Variants in ITGA2B observed in about 807,000 individuals in gnomAD.
ITGA2B encodes the protein integrin subunit alpha 2b, also known as integrin alpha-IIb.
A neutral mutation model predicts 142.0 loss-of-function variants in ITGA2B; 91 were observed. The observed-to-expected ratio is 0.64, with a 90% confidence interval of 0.54 to 0.76. ITGA2B has a LOEUF of 0.76. ITGA2B is among the 30% of genes least tolerant of loss of function. The probability of loss-of-function intolerance (pLI) is 0.00; values close to 1 mark genes in which losing one functional copy is unlikely to be tolerated. For synonymous variants in ITGA2B, 536 were observed against 567.2 expected (o/e 0.94, Z 0.78); for missense variants, 1,231 against 1,350.8 (o/e 0.91, Z 1.39).
chr17:44,383,511 C>T lies in ITGA2B; in HGVS notation c.1192G>A (p.Asp398Asn), dbSNP rs746322312. The change falls in exon 12 of 30, where the codon GAC becomes AAC. Residue 398 changes from aspartate to asparagine, a missense_variant. By Grantham distance (23) the Asp-to-Asn change is conservative. Coordinates refer to ENST00000262407, the MANE Select transcript of ITGA2B (RefSeq NM_000419.5). ...GSAIAPLGDL[D>N]RDGYNDIAVA... ...CCCTCACCATTGTAGCCATCCCGGT[C>T]GAGGTCGCCCAGGGGTGCGATGGCA... The T allele has an allele frequency of 3.7e-6, 6 of 1,609,822 alleles. No homozygotes were observed. The South Asian group carries it at 5.5e-5, about 15-fold the overall frequency.
chr17:44,382,557 T>C (rs894389363), intron 12 of ITGA2B, among the ~76,000 whole-genome samples: 1 of 152,094 alleles, frequency 6.6e-6, no homozygotes, highest in Non-Finnish European at 1.5e-5. Context: ...TCACCCAGGC[T>C]GGAGTGCAGT....
chr17:44,381,715 C>T (rs1389554057), intron 12 of ITGA2B, among the ~76,000 whole-genome samples: 1 of 151,934 alleles, frequency 6.6e-6, no homozygotes, highest in African/African-American at 2.4e-5. Flanking sequence ...CTTACTGCAG[C>T]CTCAACCTTC....
At chr17:44,382,289 T>C (rs548924526) in intron 12 of ITGA2B, among the ~76,000 whole-genome samples, 2 of 152,134 alleles carry the variant, frequency 1.3e-5, no homozygotes, top group South Asian at 2.1e-4. Flanking sequence ...TTTCCTCTTA[T>C]AGTCAAACAT....
intron 1 of ITGA2B, among the ~76,000 whole-genome samples, chr17:44,388,961 G>A (rs113196080): frequency 2.1e-3 from 316 of 151,986 alleles, no homozygotes; most frequent in Non-Finnish European, 3.5e-3. Flanking sequence ...CACCGCGCCC[G>A]GCCTCCTCTC....
chr17:44,375,141 C>A, intron 26 of ITGA2B, 30 bp from the exon 27 acceptor site: 1 of 1,525,610 alleles, frequency 6.6e-7, no homozygotes, highest in East Asian at 2.5e-5. Flanking sequence ...GTCCCCAGCC[C>A]GTCCCGGCCC....
Position 44,387,967 on chromosome 17 carries a change from A to C in ITGA2B, c.188+1319T>G, listed in dbSNP as rs116646617. ...CCCACTCACCCACTTCTCATTGATC[A>C]GACACTGGATGTGGGCCATCTTGGG... On this transcript the variant is annotated intron_variant, in intron 1 of 29. Coordinates refer to ENST00000262407, the MANE Select transcript of ITGA2B (RefSeq NM_000419.5). 4.8e-3 allele frequency among the ~76,000 whole-genome samples: 732 copies of C among 151,988 alleles called. 5 individuals are homozygous for C. The highest frequency in any genetic ancestry group is 0.017 in the African/African-American group (710 of 41,422).
chr17:44,383,345 C>CTGAG, intron 12 of ITGA2B, 148 bp downstream of exon 12: 1 of 738,010 alleles, frequency 1.4e-6, no homozygotes, highest in Non-Finnish European at 2.3e-6. Context: ...ACTCTCCCAT[C>CTGAG]TGCTCTCCAC....
chr17:44,385,380 G>A (rs1241690898), intron 4 of ITGA2B, 45 bp from the exon 5 acceptor site: 2 of 1,588,626 alleles, frequency 1.3e-6, no homozygotes, highest in Non-Finnish European at 1.7e-6. Flanking sequence ...GTGAAGGGAG[G>A]CGCGCGCGAG....
rs749974632 is a variant in ITGA2B at position 44,376,175 on chromosome 17, A to G, written c.2358T>C (p.Phe786=). 1.2e-6 allele frequency: 2 copies of G among 1,613,976 alleles called. No individual in the cohort carries two copies. Among genetic ancestry groups the G allele is most frequent in the East Asian group, 4.5e-5 (2 of 44,892 alleles). ...EAQVELRGNS[F]PASLVVAAEE... ...CTGCTGCCACCACCAGGGAGGCTGG[A>G]AAGGAGTTCCTGCAGGTGCCCAAGA... Residue 786 remains phenylalanine (F), a synonymous_variant, in exon 24 of 30, where the codon TTT becomes TTC. Transcript: ENST00000262407.
At chr17:44,376,211 G>T (rs757804234) in intron 23 of ITGA2B, 27 bp from the exon 24 acceptor site, 11 of 1,613,974 alleles carry the variant, frequency 6.8e-6, no homozygotes, top group Non-Finnish European at 8.5e-6. Flanking sequence ...CCCCCAGAGA[G>T]AGTGTGATGC....
chr17:44,384,325 A>G lies in ITGA2B; in HGVS notation c.877T>C (p.Trp293Arg), dbSNP rs200409476. Residue 293 changes from tryptophan (W) to arginine (R), a missense_variant, in exon 9 of 30, where the codon TGG (tryptophan) becomes CGG (arginine). Physicochemically the swap from Trp to Arg is moderately radical, Grantham distance 101. Coordinates refer to ENST00000262407, the MANE Select transcript of ITGA2B (RefSeq NM_000419.5). ...GGGGCACTTACCGCTCCCAGGGTCCAGCTCCAAGTGGGGGCACCGACGACA... is the reference window on the plus strand; with the variant it reads ...GGGGCACTTACCGCTCCCAGGGTCCGGCTCCAAGTGGGGGCACCGACGACA... ...EYVVGAPTWSWTLGAVEILDS... is the reference protein window; with the variant it reads ...EYVVGAPTWSRTLGAVEILDS... 2 of 1,613,536 alleles carry G rather than the reference A, an allele frequency of 1.2e-6. No homozygotes were observed. The highest frequency in any genetic ancestry group is 2.2e-5 in the East Asian group (1 of 44,852).
chr17:44,372,273 TC>T lies in ITGA2B; in HGVS notation c.*90del, dbSNP rs1266447628. On this transcript the variant is annotated 3_prime_UTR_variant, in exon 30 of 30. Transcript: ENST00000262407. Reference sequence around the variant, plus strand: ...CACCAAGAGGACCCAATGGAACAGCTCCAACCCAAAGCTTGGAGGCAACTTG... The same window carrying T: ...CACCAAGAGGACCCAATGGAACAGCTCAACCCAAAGCTTGGAGGCAACTTG... 2 of 1,364,556 alleles carry T rather than the reference TC, an allele frequency of 1.5e-6. No homozygotes were observed. Among genetic ancestry groups the T allele is most frequent in the African/African-American group, 2.9e-5 (2 of 69,628 alleles). 84.5% of individuals were successfully genotyped at this position (1,364,556 alleles called of 1,614,324 possible).
chr17:44,389,513 C>G lies in ITGA2B; in HGVS notation c.-40G>C. On this transcript the variant is annotated 5_prime_UTR_variant, in exon 1 of 30. Coordinates refer to ENST00000262407, the MANE Select transcript of ITGA2B (RefSeq NM_000419.5). ...AACCTCCCAGGCAGGAATGGGCCAGCTCCTCCTCCTTCCCTTCAGATTCCT... is the reference window on the plus strand; with the variant it reads ...AACCTCCCAGGCAGGAATGGGCCAGGTCCTCCTCCTTCCCTTCAGATTCCT... 1 of 1,601,400 alleles carries G rather than the reference C, an allele frequency of 6.2e-7. No individual in the cohort carries two copies. Among genetic ancestry groups the G allele is most frequent in the Middle Eastern group, 2.2e-4 (1 of 4,576 alleles).
Position 44,375,841 on chromosome 17 carries a change from G to T in ITGA2B, c.2593C>A (p.Pro865Thr), listed in dbSNP as rs1212448913. 6.3e-7 allele frequency: 1 copy of T among 1,582,296 alleles called. No individual in the cohort carries two copies. The highest frequency in any genetic ancestry group is 8.6e-7 in the Non-Finnish European group (1 of 1,163,784). Residue 865 changes from proline (P) to threonine (T), a missense_variant, in exon 25 of 30, where the codon CCT becomes ACT. Pro to Thr is a conservative substitution (Grantham distance 38). Coordinates refer to ENST00000262407, the MANE Select transcript of ITGA2B (RefSeq NM_000419.5). The part of the protein sequence containing the change: ...LQCFPQPPVN[P>T]LKVDWGLPIP... ...TTCCACCCAGCTCTTACCTTGAGAGGGTTGACAGGAGGCTGTGGGAAGCAC... is the reference window on the plus strand; with the variant it reads ...TTCCACCCAGCTCTTACCTTGAGAGTGTTGACAGGAGGCTGTGGGAAGCAC...
In ITGA2B at chr17:44,385,999, C is replaced by A; in HGVS notation, c.310+11G>T. On this transcript the variant is annotated intron_variant, in intron 2 of 29. Transcript: ENST00000262407. The stretch of plus-strand genomic sequence containing the variant: ...CTGACCCCAACCTTGCTCTCCTTGC[C>A]TGGGACTCACGGAGGTCAAAGAGCA... 1 of 1,614,048 alleles carries A rather than the reference C, an allele frequency of 6.2e-7. No individual in the cohort carries two copies. The highest frequency in any genetic ancestry group is 8.5e-7 in the Non-Finnish European group (1 of 1,180,006).
rs2048591528 is a variant in ITGA2B at position 44,380,938 on chromosome 17, C to G, written c.1334G>C (p.Gly445Ala). Residue 445 changes from glycine to alanine, a missense_variant, in exon 13 of 30, where the codon GGC (glycine) becomes GCC (alanine). This residue lies in a region of ITGA2B where 908 missense variants were observed against 1,021.1 expected (regional missense o/e 0.89). Coordinates refer to ENST00000262407, the MANE Select transcript of ITGA2B (RefSeq NM_000419.5). ...TCGAAGGGAGAAGCCAAAGGCAGAG[C>G]CTGTGGGGAAGGGGCTGTCCAGGAC... Reference protein sequence around the residue: ...SQVLDSPFPTGSAFGFSLRGA... With the variant: ...SQVLDSPFPTASAFGFSLRGA... The G allele has an allele frequency of 6.2e-7, 1 of 1,614,140 alleles. No individual in the cohort carries two copies. The highest frequency in any genetic ancestry group is 1.7e-5 in the Admixed American group (1 of 60,014).
rs559066408 is a variant in ITGA2B, at chr17:44,384,952, G to A, written c.795C>T (p.Tyr265=). Reference sequence around the variant, plus strand: ...AGTCTGGAATGGCGGTGTTACCCCAGTAGCCGTCGAAGTACTCTGGGTTGC... The same window carrying A: ...AGTCTGGAATGGCGGTGTTACCCCAATAGCCGTCGAAGTACTCTGGGTTGC... ...DSSNPEYFDG[Y]WGYSVAVGEF... is the part of the protein sequence containing the mutation. Residue 265 remains tyrosine (Y), a synonymous_variant, in exon 7 of 30, where the codon TAC becomes TAT. Coordinates refer to ENST00000262407, the MANE Select transcript of ITGA2B (RefSeq NM_000419.5). The A allele has an allele frequency of 4.3e-6, 7 of 1,614,140 alleles. No individual in the cohort carries two copies. The South Asian group carries it at 7.7e-5, about 18-fold the overall frequency.
At chr17:44,382,108 A>C (rs1189574062) in intron 12 of ITGA2B, among the ~76,000 whole-genome samples, 1 of 151,794 alleles carries the variant, frequency 6.6e-6, no homozygotes, top group Non-Finnish European at 1.5e-5. Context: ...TCCTTCCTTC[A>C]CCCTGACACT....
At chr17:44,374,555 C>A (rs1961779861) in intron 28 of ITGA2B, 85 bp from the exon 29 acceptor site, 2 of 1,521,740 alleles carry the variant, frequency 1.3e-6, no homozygotes, top group Non-Finnish European at 1.8e-6. Context: ...GACCTCCAGC[C>A]ATGCCACCCA....
Sources: allele counts gnomAD v4.1 joint callset (sites outside exome capture counted in the v4.1 genomes callset), GRCh38; gene constraint gnomAD v4.1.1; regional missense constraint gnomAD v4.1.1; transcripts MANE v1.5; gene names NCBI Gene and HGNC (gene_info 2026-07-23, HGNC 2026-07-21).